Variants in SPON1 observed in about 807,000 individuals in gnomAD.
SPON1 encodes spondin 1.
In SPON1, 52 loss-of-function variants were observed where a neutral mutation model predicts 111.7. The observed-to-expected ratio is 0.47, with a 90% confidence interval of 0.37 to 0.59. SPON1 has a LOEUF of 0.59. Ranked by LOEUF, SPON1 falls within the 20% of genes least tolerant of loss-of-function variation. SPON1 has a pLI of 0.00. For missense variants in SPON1, 957 were observed against 1,068.5 expected (o/e 0.90, Z 1.46); for synonymous variants, 410 against 395.8 (o/e 1.04, Z -0.43).
intron 5 of SPON1, among the ~76,000 whole-genome samples, chr11:14,132,433 C>T (rs1554927613): frequency 1.3e-5 from 2 of 152,206 alleles, no homozygotes; most frequent in Non-Finnish European, 2.9e-5. Flanking sequence ...TGTTTCTCTG[C>T]ACTCGTGCCT....
chr11:13,993,878 T>C (rs529334194), intron 2 of SPON1, among the ~76,000 whole-genome samples: 33 of 152,334 alleles, frequency 2.2e-4, no homozygotes, highest in African/African-American at 7.2e-4. Context: ...TTCATTGCCT[T>C]GTTTTATTTT....
chr11:14,264,073 G>A (rs1849227898), intron 15 of SPON1, among the ~76,000 whole-genome samples: 1 of 151,472 alleles, frequency 6.6e-6, no homozygotes, highest in Admixed American at 6.6e-5. Context: ...CAGGCAGCAA[G>A]AATAGTCATT....
chr11:14,094,519 G>T (rs923201015), intron 5 of SPON1, among the ~76,000 whole-genome samples: 6 of 151,552 alleles, frequency 4.0e-5, no homozygotes, highest in Non-Finnish European at 8.8e-5. Context: ...TTTTAAATTG[G>T]CATTGGTTTA....
intron 6 of SPON1, among the ~76,000 whole-genome samples, chr11:14,197,379 A>G (rs1185170671): frequency 2.0e-5 from 3 of 152,110 alleles, no homozygotes; most frequent in African/African-American, 7.2e-5. Context: ...CCGAAAGCAC[A>G]GGACTAAATT....
chr11:14,046,016 G>A (rs781936927), intron 3 of SPON1, among the ~76,000 whole-genome samples: 4 of 152,118 alleles, frequency 2.6e-5, no homozygotes, highest in Non-Finnish European at 5.9e-5. Flanking sequence ...TTAATGTTGT[G>A]AATGATATGA....
At chr11:14,094,682 GGAATGAATGGAT>G (rs1849084987) in intron 5 of SPON1, among the ~76,000 whole-genome samples, 1 of 152,272 alleles carries the variant, frequency 6.6e-6, no homozygotes, top group Admixed American at 6.5e-5. Flanking sequence ...TAAATAGTGT[GGAATGAATGGAT>G]GAATGAATGA....
intron 1 of SPON1, among the ~76,000 whole-genome samples, chr11:13,976,181 C>T (rs907982953): frequency 6.6e-6 from 1 of 152,082 alleles, no homozygotes; most frequent in Non-Finnish European, 1.5e-5. Flanking sequence ...TAATCAGTTC[C>T]CCGGATGTAC....
intron 5 of SPON1, among the ~76,000 whole-genome samples, chr11:14,131,313 T>C (rs1361115244): frequency 1.3e-5 from 2 of 152,198 alleles, no homozygotes; most frequent in Admixed American, 1.3e-4. Context: ...TCTCTGGGCC[T>C]CAGTTTCTTC....
chr11:14,260,365 C>T (rs1433426924), intron 13 of SPON1, among the ~76,000 whole-genome samples: 5 of 151,416 alleles, frequency 3.3e-5, no homozygotes, highest in Non-Finnish European at 7.4e-5. Flanking sequence ...TCATAACCAT[C>T]GGGGGGGGTC....
chr11:13,998,060 A>G (rs1439400442), intron 2 of SPON1, among the ~76,000 whole-genome samples: 1 of 152,212 alleles, frequency 6.6e-6, no homozygotes, highest in Non-Finnish European at 1.5e-5. Flanking sequence ...TGCTGAACAC[A>G]TAATCAAAGC....
At chr11:14,217,568 A>G (rs1231397257) in intron 6 of SPON1, among the ~76,000 whole-genome samples, 2 of 152,144 alleles carry the variant, frequency 1.3e-5, no homozygotes, top group Admixed American at 6.5e-5. Context: ...TTTATTGTTG[A>G]ATCTTGTAGC....
intron 6 of SPON1, among the ~76,000 whole-genome samples, chr11:14,161,219 C>A (rs1282965284): frequency 6.5e-5 from 3 of 45,940 alleles, no homozygotes; most frequent in Admixed American, 2.5e-4. Flanking sequence ...TTATATATAT[C>A]TATATATATT....
At chr11:14,151,423 A>C (rs566763860) in intron 6 of SPON1, among the ~76,000 whole-genome samples, 15 of 152,176 alleles carry the variant, frequency 9.9e-5, no homozygotes, top group Non-Finnish European at 1.9e-4. Context: ...AGTAGACCTA[A>C]AGTAATTAGG....
intron 2 of SPON1, among the ~76,000 whole-genome samples, chr11:13,996,066 A>G (rs372638406): frequency 6.6e-6 from 1 of 152,036 alleles, no homozygotes; most frequent in Non-Finnish European, 1.5e-5. Context: ...AGACCACTCT[A>G]TTTTTGCCTC....
chr11:14,169,364 A>C (rs191581206), intron 6 of SPON1, among the ~76,000 whole-genome samples: 2,554 of 151,458 alleles, frequency 0.017, 31 homozygotes, highest in Non-Finnish European at 0.025. Flanking sequence ...TTTCTTGTAA[A>C]TTTGTTTGAG....
chr11:13,994,542 C>A (rs912837773), intron 2 of SPON1, among the ~76,000 whole-genome samples: 3 of 152,040 alleles, frequency 2.0e-5, no homozygotes, highest in African/African-American at 4.8e-5. Context: ...CATATGAGAT[C>A]AGGACTGGGA....
chr11:14,192,550 G>A (rs185509216), intron 6 of SPON1, among the ~76,000 whole-genome samples: 1 of 152,274 alleles, frequency 6.6e-6, no homozygotes, highest in East Asian at 1.9e-4. Flanking sequence ...TCTTACAGGG[G>A]TACAAAAGGT....
At position 14,078,578 on chromosome 11, in the gene SPON1, G is replaced by GT. The variant is rs139770474; in HGVS notation, c.554-1320dup. Reference sequence around the variant, plus strand: ...ATGAGGTCTTTCCTGGAGTAATGTAGTGCAGAGATTAAGGGTATGAGTCCT... The same window carrying GT: ...ATGAGGTCTTTCCTGGAGTAATGTAGTTGCAGAGATTAAGGGTATGAGTCCT... On this transcript the variant is annotated intron_variant, in intron 4 of 15. Coordinates refer to ENST00000576479, the MANE Select transcript of SPON1 (RefSeq NM_006108.4). Among the ~76,000 whole-genome samples, 341 of 152,232 alleles carry GT rather than the reference G, an allele frequency of 2.2e-3. 1 individual carries two copies. The highest frequency in any genetic ancestry group is 7.8e-3 in the African/African-American group (322 of 41,524).
At chr11:14,027,961 C>A (rs527421578) in intron 2 of SPON1, among the ~76,000 whole-genome samples, 5 of 152,046 alleles carry the variant, frequency 3.3e-5, no homozygotes, top group Non-Finnish European at 7.4e-5. Flanking sequence ...TTTTTAAAAC[C>A]TGTTTATCAG....
Sources: allele counts gnomAD v4.1 joint callset (sites outside exome capture counted in the v4.1 genomes callset), GRCh38; gene constraint gnomAD v4.1.1; transcripts MANE v1.5; gene names NCBI Gene and HGNC (gene_info 2026-07-23, HGNC 2026-07-21).